CSTPP1: variants seen among roughly 807,000 people sequenced by gnomAD.
CSTPP1 encodes the protein UPF0705 protein C11orf49.
chr11:47,096,947 C>G, the CSTPP1 span, among the ~76,000 whole-genome samples: 1 of 152,248 alleles, frequency 6.6e-6, no homozygotes, highest in South Asian at 2.1e-4. Flanking sequence ...CCTCTGTCCA[C>G]AAGATTGAGT....
At chr11:46,960,783 C>T in the CSTPP1 span, among the ~76,000 whole-genome samples, 3 of 151,840 alleles carry the variant, frequency 2.0e-5, no homozygotes, top group Non-Finnish European at 4.4e-5. Flanking sequence ...ATCCAGTAGG[C>T]AGAGGTTGCA....
the CSTPP1 span, among the ~76,000 whole-genome samples, chr11:47,092,937 C>T: frequency 6.6e-6 from 1 of 152,302 alleles, no homozygotes; most frequent in South Asian, 2.1e-4. Context: ...TGTTAATTGC[C>T]ATGTCCTTAG....
At chr11:47,136,846 C>A in the CSTPP1 span, among the ~76,000 whole-genome samples, 1 of 152,312 alleles carries the variant, frequency 6.6e-6, no homozygotes, top group South Asian at 2.1e-4. Flanking sequence ...GATCTAAAAT[C>A]TTTTGCCTTC....
chr11:47,086,096 A>G, the CSTPP1 span, among the ~76,000 whole-genome samples: 1 of 151,800 alleles, frequency 6.6e-6, no homozygotes, highest in African/African-American at 2.4e-5. Flanking sequence ...ATGAACAAGA[A>G]TAAGTTAAGA....
chr11:46,940,133 A>C, the CSTPP1 span, among the ~76,000 whole-genome samples: 13 of 152,174 alleles, frequency 8.5e-5, no homozygotes, highest in African/African-American at 3.1e-4. Context: ...TTGGCTTCCC[A>C]AAGTCCTGGG....
At chr11:47,154,000 T>G in the CSTPP1 span, among the ~76,000 whole-genome samples, 1 of 151,994 alleles carries the variant, frequency 6.6e-6, no homozygotes, top group Admixed American at 6.6e-5. Context: ...AGTGCAGTGG[T>G]GTGATCTCCG....
chr11:47,037,593 G>C, the CSTPP1 span, among the ~76,000 whole-genome samples: 11 of 116,496 alleles, frequency 9.4e-5, 1 homozygote, highest in African/African-American at 1.5e-4. Context: ...TGACTCTTAA[G>C]GAGCATGCTG....
chr11:47,067,426 A>T, the CSTPP1 span, among the ~76,000 whole-genome samples: 14 of 152,096 alleles, frequency 9.2e-5, no homozygotes, highest in African/African-American at 2.7e-4. Context: ...CCAAATTCCC[A>T]TGTTGAAGCC....
At chr11:47,100,558 G>A in the CSTPP1 span, among the ~76,000 whole-genome samples, 6 of 152,176 alleles carry the variant, frequency 3.9e-5, no homozygotes, top group African/African-American at 1.4e-4. Context: ...TTGGGAGGCC[G>A]AGGCAGTGGA....
chr11:47,151,454 CCAT>C, the CSTPP1 span, among the ~76,000 whole-genome samples: 1 of 150,548 alleles, frequency 6.6e-6, no homozygotes, highest in African/African-American at 2.4e-5. Flanking sequence ...GGAGGTCATG[CCAT>C]CATCAAGAAA....
At chr11:47,088,038 C>T in the CSTPP1 span, among the ~76,000 whole-genome samples, 1 of 152,186 alleles carries the variant, frequency 6.6e-6, no homozygotes, top group African/African-American at 2.4e-5. Flanking sequence ...AGCAAGTGGT[C>T]TTAGAAGAAG....
the CSTPP1 span, among the ~76,000 whole-genome samples, chr11:46,965,233 A>T: frequency 0.7 from 82,450 of 117,176 alleles, 28,901 homozygotes; most frequent in Non-Finnish European, 0.77. Flanking sequence ...TTTTTTTTTT[A>T]TTTTTTTTTG....
At chr11:47,061,803 C>G in the CSTPP1 span, among the ~76,000 whole-genome samples, 1 of 152,056 alleles carries the variant, frequency 6.6e-6, no homozygotes, top group Non-Finnish European at 1.5e-5. Flanking sequence ...CTTTGTTTTT[C>G]ATGTTTATTT....
the CSTPP1 span, among the ~76,000 whole-genome samples, chr11:47,101,832 A>T: frequency 2.6e-5 from 4 of 152,198 alleles, no homozygotes; most frequent in Non-Finnish European, 5.9e-5. Flanking sequence ...GTGATCCTAG[A>T]TTAAAGTAGG....
At chr11:47,110,890 C>CTTTTTTTT in the CSTPP1 span, among the ~76,000 whole-genome samples, 21,481 of 124,078 alleles carry the variant, frequency 0.17, 2,905 homozygotes, top group East Asian at 0.59. Context: ...GAGAACACAT[C>CTTTTTTTT]TTTTTTTTTT....
At chr11:47,076,089 T>G in the CSTPP1 span, among the ~76,000 whole-genome samples, 3 of 152,092 alleles carry the variant, frequency 2.0e-5, no homozygotes, top group Non-Finnish European at 4.4e-5. Context: ...GTCACTACCC[T>G]TCATTCCATA....
At chr11:47,011,352 A>T in the CSTPP1 span, among the ~76,000 whole-genome samples, 1 of 152,366 alleles carries the variant, frequency 6.6e-6, no homozygotes, top group South Asian at 2.1e-4. Context: ...GGGTATCCAG[A>T]TTAATAGATA....
the CSTPP1 span, among the ~76,000 whole-genome samples, chr11:47,105,391 C>T: frequency 3.9e-5 from 6 of 152,240 alleles, no homozygotes; most frequent in South Asian, 2.1e-4. Context: ...TTCCCAGCTA[C>T]TCAGGAGGCT....
At chr11:47,124,782 C>T in the CSTPP1 span, among the ~76,000 whole-genome samples, 3 of 152,128 alleles carry the variant, frequency 2.0e-5, no homozygotes, top group Admixed American at 6.6e-5. Context: ...ATCCTGATGC[C>T]ACTGGATATT....
Sources: gnomAD v4.1 joint callset for allele counts (sites outside exome capture counted in the v4.1 genomes callset) on GRCh38, gnomAD v4.1.1 for gene constraint, MANE v1.5 for transcripts, NCBI Gene and HGNC (gene_info 2026-07-23, HGNC 2026-07-21) for gene names.